The following MGAT5B variants were observed in gnomAD, a reference collection of about 807,000 sequenced individuals.
MGAT5B encodes the protein N-acetylglucosaminyl-transferase Vb.
MGAT5B carries 54 observed loss-of-function variants against 95.1 expected under a neutral mutation model. The observed-to-expected ratio is 0.57, with a 90% CI of 0.46 to 0.71. The LOEUF is 0.71. MGAT5B is among the 30% of genes least tolerant of loss of function. The probability of loss-of-function intolerance (pLI) is 0.00; values close to 1 mark genes in which losing one functional copy is unlikely to be tolerated. For synonymous variants in MGAT5B, 464 were observed against 451.0 expected (o/e 1.03, Z -0.36); for missense variants, 935 against 1,088.6 (o/e 0.86, Z 1.99).
In MGAT5B at chr17:76,911,149, G is replaced by C. The variant is rs190697160; in HGVS notation, c.1025+4962G>C. On this transcript the variant is annotated intron_variant, in intron 8 of 17. Coordinates refer to ENST00000569840, the MANE Select transcript of MGAT5B (RefSeq NM_001199172.2). ...AGGCATCTCTGACTTCTTCCATCTG[G>C]GGTGGGGGCCCAGGTAACAAATTGA... 3.3e-5 allele frequency among the ~76,000 whole-genome samples: 5 copies of C among 152,304 alleles called. No homozygotes were observed. In the East Asian group the frequency reaches 9.6e-4, roughly 29 times the overall value.
rs149624126 is a variant in MGAT5B at position 76,915,363 on chromosome 17, AC to A, written c.1025+9177del. ...CTGGGCTGGGGGCCGGGGATCGGGC[AC>A]TCCTCTCTGACGGTTTCTATTTTAT... On this transcript the variant is annotated intron_variant, in intron 8 of 17. Coordinates refer to ENST00000569840, the MANE Select transcript of MGAT5B (RefSeq NM_001199172.2). This position sits in a 1 kb window ranked among gnomAD's most constrained non-coding sequence, Gnocchi z 8.7. Among the ~76,000 whole-genome samples, 1,026 of 151,480 alleles carry A rather than the reference AC, an allele frequency of 6.8e-3. 14 individuals carry two copies. The highest frequency in any genetic ancestry group is 0.024 in the African/African-American group (989 of 41,184).
chr17:76,913,036 T>C (rs1172262629), intron 8 of MGAT5B, among the ~76,000 whole-genome samples: 1 of 152,164 alleles, frequency 6.6e-6, no homozygotes, highest in East Asian at 1.9e-4. Flanking sequence ...ATGAGTGAAA[T>C]TGGGTTTAGT....
Position 76,869,034 on chromosome 17 carries a change from T to C in MGAT5B, c.5T>C (p.Ile2Thr), listed in dbSNP as rs1375866367. The C allele has an allele frequency of 1.9e-6, 3 of 1,613,782 alleles. No homozygotes were observed. Among genetic ancestry groups the C allele is most frequent in the Admixed American group, 1.7e-5 (1 of 60,006 alleles). M[I>T]TVNPDGKIMV... ...TCGCACCAACAAGTTTGAACAATGA[T>C]CACCGTCAACCCCGATGGGAAGATA... The change falls in exon 1 of 18, where the codon ATC (isoleucine) becomes ACC (threonine). Residue 2 changes from isoleucine to threonine, a missense_variant. Physicochemically the swap from Ile to Thr is moderately conservative, Grantham distance 89. Coordinates refer to ENST00000569840, the MANE Select transcript of MGAT5B (RefSeq NM_001199172.2). This position sits in a 1 kb window ranked among gnomAD's most constrained non-coding sequence, Gnocchi z 7.0.
rs200086391 is a variant in MGAT5B, at chr17:76,947,877, G to A, written c.1971G>A (p.Pro657=). Residue 657 remains proline, a synonymous_variant, in exon 17 of 18, where the codon CCG becomes CCA. Transcript: ENST00000569840. ...PDPALPEAHA[P]QSPFVLAPNA... ...CTGCCCTACCAGAGGCCCACGCCCCGCAGAGCCCCTTTGTCCTGGCCCCCA... is the reference window on the plus strand; with the variant it reads ...CTGCCCTACCAGAGGCCCACGCCCCACAGAGCCCCTTTGTCCTGGCCCCCA... 4.7e-5 allele frequency: 76 copies of A among 1,604,462 alleles called. No homozygotes were observed. The East Asian group carries it at 7.9e-4, about 17-fold the overall frequency.
At position 76,917,246 on chromosome 17, in the gene MGAT5B, G is replaced by T. The variant is rs114175166; in HGVS notation, c.1026-7720G>T. 5.7e-3 allele frequency among the ~76,000 whole-genome samples: 867 copies of T among 152,192 alleles called. 10 individuals carry two copies. Among genetic ancestry groups the T allele is most frequent in the African/African-American group, 0.019 (804 of 41,490 alleles). On this transcript the variant is annotated intron_variant, in intron 8 of 17. Transcript: ENST00000569840. The surrounding 1 kb of genome is among the most constrained non-coding windows in gnomAD (Gnocchi z 6.1). ...AGCCAGGCAGGTCCGAATGTTCCTC[G>T]AAGTCAGTTTCTTTGCTGTGTCTCC... is the stretch of plus-strand genomic sequence containing the variant.
intron 12 of MGAT5B, among the ~76,000 whole-genome samples, chr17:76,936,038 C>T (rs979583208): frequency 6.0e-5 from 9 of 150,254 alleles, no homozygotes; most frequent in Admixed American, 2.0e-4. Context: ...TGGGCTCAAG[C>T]GATCCTCCCG....
chr17:76,882,869 C>T lies in MGAT5B; in HGVS notation c.329+571C>T, dbSNP rs536513245. On this transcript the variant is annotated intron_variant, in intron 3 of 17. Coordinates refer to ENST00000569840, the MANE Select transcript of MGAT5B (RefSeq NM_001199172.2). ...AGCTGGGACTACAGGCGCCCACCAC[C>T]ACACCTCGGTAATTTTTGTGTTTTT... is the stretch of plus-strand genomic sequence containing the variant. Among the ~76,000 whole-genome samples the T allele has an allele frequency of 3.5e-3, 526 of 151,874 alleles. 3 individuals carry two copies. Among genetic ancestry groups the T allele is most frequent in the South Asian group, 5.6e-3 (27 of 4,788 alleles).
chr17:76,877,839 C>T (rs952652171), intron 2 of MGAT5B, among the ~76,000 whole-genome samples: 3 of 151,278 alleles, frequency 2.0e-5, no homozygotes, highest in Non-Finnish European at 2.9e-5. Flanking sequence ...AAAAGGGGGA[C>T]GAAGGAGGAT....
At chr17:76,871,856 G>T (rs569246900) in intron 1 of MGAT5B, among the ~76,000 whole-genome samples, 2 of 152,342 alleles carry the variant, frequency 1.3e-5, no homozygotes, top group South Asian at 4.1e-4. Flanking sequence ...AGAGCCCCAA[G>T]GCTGTGCTGG....
intron 15 of MGAT5B, among the ~76,000 whole-genome samples, chr17:76,941,918 T>G (rs1599004984): frequency 6.6e-6 from 1 of 152,086 alleles, no homozygotes; most frequent in East Asian, 1.9e-4. Flanking sequence ...GAGGCTAGGG[T>G]AGGTATCCTC....
chr17:76,875,858 T>C (rs1401379718), intron 2 of MGAT5B, among the ~76,000 whole-genome samples: 1 of 151,980 alleles, frequency 6.6e-6, no homozygotes. Flanking sequence ...GGAGTGGAGA[T>C]TCTACGTGTT....
In MGAT5B at chr17:76,893,863, G is replaced by A. The variant is rs185487792; in HGVS notation, c.330-8692G>A. On this transcript the variant is annotated intron_variant, in intron 3 of 17. Coordinates refer to ENST00000569840, the MANE Select transcript of MGAT5B (RefSeq NM_001199172.2). The stretch of plus-strand genomic sequence containing the variant: ...AGCCTTTTGCTCGGTCTTGGCCTTG[G>A]TCCTGATGTCCTGCCCCCACCCTGT... Among the ~76,000 whole-genome samples, 631 of 152,266 alleles carry A rather than the reference G, an allele frequency of 4.1e-3. 11 individuals are homozygous for A. The highest frequency in any genetic ancestry group is 0.014 in the African/African-American group (600 of 41,542).
rs562624103 is a variant in MGAT5B at position 76,940,484 on chromosome 17, G to A, written c.1667G>A (p.Arg556His). 127 of 1,613,894 alleles carry A rather than the reference G, an allele frequency of 7.9e-5. No individual in the cohort carries two copies. The highest frequency in any genetic ancestry group is 1.1e-4 in the Non-Finnish European group (125 of 1,179,918). The change falls in exon 14 of 18, where the codon CGC becomes CAC. Residue 556 changes from arginine to histidine, a missense_variant. Coordinates refer to ENST00000569840, the MANE Select transcript of MGAT5B (RefSeq NM_001199172.2). The surrounding 1 kb of genome is among the most constrained non-coding windows in gnomAD (Gnocchi z 4.3). ...IANGCIFLQSRFSPPHSSLNH... is the reference protein window; with the variant it reads ...IANGCIFLQSHFSPPHSSLNH... ...AATGGTTGCATCTTCCTGCAGTCCCGCTTCAGCCCGCCCCACAGCTCCCTC... is the reference window on the plus strand; with the variant it reads ...AATGGTTGCATCTTCCTGCAGTCCCACTTCAGCCCGCCCCACAGCTCCCTC...
intron 3 of MGAT5B, among the ~76,000 whole-genome samples, chr17:76,888,744 G>A (rs929639799): frequency 6.6e-5 from 10 of 152,116 alleles, no homozygotes; most frequent in African/African-American, 1.9e-4. Flanking sequence ...TTGAGGATTG[G>A]GGCCTGCGAG....
chr17:76,939,344 A>G (rs991774050), intron 13 of MGAT5B, among the ~76,000 whole-genome samples: 11 of 151,846 alleles, frequency 7.2e-5, no homozygotes, highest in African/African-American at 2.7e-4. Context: ...CTAAAATACA[A>G]ACAAACAAAC....
chr17:76,871,816 C>G (rs1348328420), intron 1 of MGAT5B, among the ~76,000 whole-genome samples: 1 of 152,186 alleles, frequency 6.6e-6, no homozygotes, highest in Non-Finnish European at 1.5e-5. Flanking sequence ...ACCAGTTCAT[C>G]AAGTCCTCTG....
chr17:76,914,031 G>A lies in MGAT5B; in HGVS notation c.1025+7844G>A. ...AAGGAGGATCACTTGAGCCTGGGAA[G>A]TCGAGGCTACAGTCAGCCGTGATCA... On this transcript the variant is annotated intron_variant, in intron 8 of 17. Coordinates refer to ENST00000569840, the MANE Select transcript of MGAT5B (RefSeq NM_001199172.2). The surrounding 1 kb of genome is among the most constrained non-coding windows in gnomAD (Gnocchi z 5.1). The A allele has an allele frequency of 3.1e-6, 1 of 320,938 alleles. No homozygotes were observed. Among genetic ancestry groups the A allele is most frequent in the Non-Finnish European group, 6.2e-6 (1 of 160,880 alleles). The allele number at this position is 320,938 out of a possible 1,614,324, so 19.9% of individuals were successfully genotyped here. A position where few individuals can be genotyped will look rare whatever the true frequency, so the allele number is the denominator to read the frequency against.
Position 76,946,372 on chromosome 17 carries a change from A to G in MGAT5B, c.1849-4A>G. On this transcript the variant is annotated splice_region_variant and splice_polypyrimidine_tract_variant and intron_variant, in intron 15 of 17. Transcript: ENST00000569840. ...CCCCATGTGTCTGCCCATCCCTCCC[A>G]CAGGTAGACCCCTACCTACCCTACG... is the stretch of plus-strand genomic sequence containing the variant. 1 of 1,604,728 alleles carries G rather than the reference A, an allele frequency of 6.2e-7. No individual in the cohort carries two copies. The highest frequency in any genetic ancestry group is 8.5e-7 in the Non-Finnish European group (1 of 1,175,020).
In MGAT5B at chr17:76,869,950, AGGG is replaced by A. The variant is rs1226473991; in HGVS notation, c.68+856_68+858del. 6.6e-6 allele frequency among the ~76,000 whole-genome samples: 1 copy of A among 151,626 alleles called. No homozygotes were observed. Among genetic ancestry groups the A allele is most frequent in the African/African-American group, 2.4e-5 (1 of 41,234 alleles). On this transcript the variant is annotated intron_variant, in intron 1 of 17. Transcript: ENST00000569840. This position sits in a 1 kb window ranked among gnomAD's most constrained non-coding sequence, Gnocchi z 7.0. ...GGAACCGGCCCGCAGCGGGGTGGGGAGGGGGCGCTGCCCAGTGGACGCCCGGCG... is the reference window on the plus strand; with the variant it reads ...GGAACCGGCCCGCAGCGGGGTGGGGAGGCGCTGCCCAGTGGACGCCCGGCG...
Sources: gnomAD v4.1 joint callset for allele counts (sites outside exome capture counted in the v4.1 genomes callset) on GRCh38, gnomAD v4.1.1 for gene constraint, Gnocchi (gnomAD v3.1) non-coding constraint, MANE v1.5 for transcripts, NCBI Gene and HGNC (gene_info 2026-07-23, HGNC 2026-07-21) for gene names.